GSK3B: variants seen among roughly 807,000 people sequenced by gnomAD.
GSK3B encodes glycogen synthase kinase-3 beta.
GSK3B carries 15 observed loss-of-function variants against 56.4 expected under a neutral mutation model. That is an observed-to-expected ratio of 0.27 (90% CI 0.18 to 0.41). GSK3B has a LOEUF of 0.41. Among genes scored for constraint, GSK3B ranks in the 10% least tolerant of loss-of-function variants. The probability of loss-of-function intolerance (pLI) is 1.00; values close to 1 mark genes in which losing one functional copy is unlikely to be tolerated. For synonymous variants in GSK3B, 181 were observed against 188.9 expected (o/e 0.96, Z 0.34); for missense variants, 300 against 513.4 (o/e 0.58, Z 4.02).
chr3:119,822,710 A>T lies in GSK3B; in HGVS notation c.*4078T>A, dbSNP rs2055431584. ...CCAGAAAAGACAGATTTTATTGTAA[A>T]GCATACCTACTTTTCCACACAGGGG... is the stretch of plus-strand genomic sequence containing the variant. On this transcript the variant is annotated 3_prime_UTR_variant, in exon 11 of 11. Transcript: ENST00000264235. 4.4e-6 allele frequency: 1 copy of T among 228,340 alleles called. No homozygotes were observed. The highest frequency in any genetic ancestry group is 2.2e-5 in the African/African-American group (1 of 45,044). The allele number at this position is 228,340 out of a possible 1,614,324, so 14.1% of individuals were successfully genotyped here. A position where few individuals can be genotyped will look rare whatever the true frequency, so the allele number is the denominator to read the frequency against.
At chr3:119,876,186 C>A (rs78215512) in intron 8 of GSK3B, among the ~76,000 whole-genome samples, 7 of 152,036 alleles carry the variant, frequency 4.6e-5, no homozygotes, top group Admixed American at 4.6e-4. Context: ...AAGTACACTG[C>A]CCTTACCTTG....
chr3:119,983,144 C>G (rs939053706), intron 2 of GSK3B, among the ~76,000 whole-genome samples: 1 of 152,106 alleles, frequency 6.6e-6, no homozygotes, highest in Non-Finnish European at 1.5e-5. Context: ...CCTTTACAGA[C>G]AAGCAAATGC....
chr3:119,990,727 G>A (rs1372131622), intron 2 of GSK3B, among the ~76,000 whole-genome samples: 4 of 152,142 alleles, frequency 2.6e-5, no homozygotes, highest in African/African-American at 9.7e-5. Flanking sequence ...TCAGGAGTTC[G>A]AGACCAGCCT....
intron 1 of GSK3B, among the ~76,000 whole-genome samples, chr3:120,004,163 T>C (rs1279626915): frequency 2.6e-5 from 4 of 152,214 alleles, no homozygotes; most frequent in African/African-American, 9.6e-5. Context: ...CAGTCTGAGA[T>C]CAACCTAAGA....
At position 119,991,510 on chromosome 3, in the gene GSK3B, C is replaced by CAAAA. The variant is rs61063108; in HGVS notation, c.282+10532_282+10535dup. On this transcript the variant is annotated intron_variant, in intron 2 of 10. Transcript: ENST00000264235. ...ATTATCTCTCATCTTTACTATTCACCAAAAAAAAAAAAAAAAAAAAAGCCT... is the reference window on the plus strand; with the variant it reads ...ATTATCTCTCATCTTTACTATTCACCAAAAAAAAAAAAAAAAAAAAAAAAAGCCT... Among the ~76,000 whole-genome samples, 18 of 78,916 alleles carry CAAAA rather than the reference C, an allele frequency of 2.3e-4. 3 individuals carry two copies. The highest frequency in any genetic ancestry group is 2.7e-4 in the African/African-American group (6 of 22,416). The allele number at this position is 78,916 out of a possible 152,430, so 51.8% of individuals were successfully genotyped here. A position where few individuals can be genotyped will look rare whatever the true frequency, so the allele number is the denominator to read the frequency against.
At chr3:119,895,524 T>A (rs1258251929) in intron 7 of GSK3B, among the ~76,000 whole-genome samples, 1 of 152,164 alleles carries the variant, frequency 6.6e-6, no homozygotes, top group Non-Finnish European at 1.5e-5. Flanking sequence ...GTTGTACTAA[T>A]TTACATTCCT....
intron 7 of GSK3B, among the ~76,000 whole-genome samples, chr3:119,897,793 C>CAAAAAAAAAAAA (rs11464173): frequency 1.6e-4 from 12 of 72,990 alleles, no homozygotes; most frequent in East Asian, 4.2e-4. Context: ...GACTCTGTCT[C>CAAAAAAAAAAAA]AAAAAAAAAA....
intron 6 of GSK3B, among the ~76,000 whole-genome samples, chr3:119,906,795 T>C (rs1228989584): frequency 1.9e-4 from 29 of 151,966 alleles, no homozygotes; most frequent in Non-Finnish European, 2.9e-5. Flanking sequence ...CACCTACCAG[T>C]ACGGAAGGAG....
intron 1 of GSK3B, among the ~76,000 whole-genome samples, chr3:120,080,162 A>G (rs1380560321): frequency 6.6e-6 from 1 of 151,810 alleles, no homozygotes; most frequent in Non-Finnish European, 1.5e-5. Context: ...ATGGTAGCGC[A>G]CTCCTGTGGA....
chr3:120,013,398 G>C (rs772768879), intron 1 of GSK3B, among the ~76,000 whole-genome samples: 4 of 152,162 alleles, frequency 2.6e-5, no homozygotes, highest in Non-Finnish European at 5.9e-5. Context: ...CAACAACTGA[G>C]ACACTTTGTA....
chr3:119,961,059 G>A (rs1297403312), intron 2 of GSK3B, among the ~76,000 whole-genome samples: 1 of 152,112 alleles, frequency 6.6e-6, no homozygotes, highest in Non-Finnish European at 1.5e-5. Context: ...AAATAAAGGA[G>A]TTAGAAAAAC....
At chr3:119,944,693 C>T (rs1415498268) in intron 3 of GSK3B, among the ~76,000 whole-genome samples, 4 of 152,130 alleles carry the variant, frequency 2.6e-5, no homozygotes, top group Admixed American at 6.5e-5. Flanking sequence ...CCACCATCTA[C>T]GAAGTCACAC....
chr3:119,869,244 A>AAAC (rs2056224032), intron 8 of GSK3B, among the ~76,000 whole-genome samples: 1 of 151,262 alleles, frequency 6.6e-6, no homozygotes, highest in South Asian at 2.1e-4. Context: ...AAAAAAAAAA[A>AAAC]AACATATATT....
At chr3:119,978,708 C>T (rs77994055) in intron 2 of GSK3B, among the ~76,000 whole-genome samples, 5,208 of 152,088 alleles carry the variant, frequency 0.034, 322 homozygotes, top group African/African-American at 0.12. Context: ...CGTGCGGCTG[C>T]AGTCCAGGAG....
At chr3:119,954,220 A>G (rs1205145352) in intron 2 of GSK3B, among the ~76,000 whole-genome samples, 1 of 148,950 alleles carries the variant, frequency 6.7e-6, no homozygotes, top group Non-Finnish European at 1.5e-5. Context: ...GAAGTGTGGA[A>G]GGAGAATAGA....
At chr3:120,061,618 G>A (rs531299985) in intron 1 of GSK3B, among the ~76,000 whole-genome samples, 1 of 152,162 alleles carries the variant, frequency 6.6e-6, no homozygotes, top group Admixed American at 6.5e-5. Context: ...TAAACAGTCA[G>A]GTATATCTAA....
At chr3:119,932,216 G>A (rs945626554) in intron 3 of GSK3B, among the ~76,000 whole-genome samples, 1 of 152,184 alleles carries the variant, frequency 6.6e-6, no homozygotes, top group Non-Finnish European at 1.5e-5. Context: ...GACATCAAAT[G>A]CAGCATCACA....
At chr3:119,901,700 A>C (rs1317921870) in intron 7 of GSK3B, among the ~76,000 whole-genome samples, 3 of 152,208 alleles carry the variant, frequency 2.0e-5, no homozygotes, top group Non-Finnish European at 4.4e-5. Flanking sequence ...ACAATGGTTT[A>C]ACAAGTTAAT....
intron 10 of GSK3B, among the ~76,000 whole-genome samples, chr3:119,837,842 G>A (rs1025927762): frequency 6.1e-5 from 9 of 147,980 alleles, no homozygotes; most frequent in African/African-American, 2.2e-4. Flanking sequence ...ATGACTGGGT[G>A]TACAAAGAAA....
Sources: allele counts gnomAD v4.1 joint callset (sites outside exome capture counted in the v4.1 genomes callset), GRCh38; gene constraint gnomAD v4.1.1; transcripts MANE v1.5; gene names NCBI Gene and HGNC (gene_info 2026-07-23, HGNC 2026-07-21).